The following LRRC49 variants were observed in gnomAD, a reference collection of about 807,000 sequenced individuals.
The protein encoded by LRRC49 is leucine rich repeat containing 49, also known as leucine-rich repeat-containing protein 49.
Under a neutral mutation model 83.3 loss-of-function variants are expected in LRRC49, and 50 were observed. The observed-to-expected ratio is 0.60, with a 90% CI of 0.48 to 0.76. The LOEUF is 0.76. Ranked by LOEUF, LRRC49 falls within the 30% of genes least tolerant of loss-of-function variation. The pLI is 0.00. For missense variants in LRRC49, 704 were observed against 809.1 expected (o/e 0.87, Z 1.58); for synonymous variants, 286 against 283.3 (o/e 1.01, Z -0.10).
chr15:70,933,727 C>T (rs2035497246), intron 7 of LRRC49, among the ~76,000 whole-genome samples: 2 of 152,122 alleles, frequency 1.3e-5, no homozygotes, highest in South Asian at 2.1e-4. Context: ...TTTGAAATTT[C>T]TTGGGGTTCT....
At chr15:70,962,160 T>C (rs959414928) in intron 8 of LRRC49, among the ~76,000 whole-genome samples, 3 of 152,182 alleles carry the variant, frequency 2.0e-5, no homozygotes, top group African/African-American at 7.2e-5. Context: ...ATTGAATAAT[T>C]AAGTAAATGG....
rs2039971730 is a variant in LRRC49, at chr15:71,050,017, A to G, written c.*405A>G. 1 of 157,006 alleles carries G rather than the reference A, an allele frequency of 6.4e-6. No homozygotes were observed. The highest frequency in any genetic ancestry group is 2.4e-5 in the African/African-American group (1 of 41,584). The allele number at this position is 157,006 out of a possible 1,614,324, so 9.7% of individuals were successfully genotyped here. On this transcript the variant is annotated 3_prime_UTR_variant, in exon 16 of 16. Transcript: ENST00000260382. ...TTTTTATTTTATGTCATGATTTCAA[A>G]GCCAAAAATATGTTCTTTTTATGAG...
chr15:70,892,986 T>G (rs770033173), intron 1 of LRRC49, 44 bp downstream of exon 1: 2 of 1,603,318 alleles, frequency 1.2e-6, no homozygotes, highest in Admixed American at 1.7e-5. Context: ...ACTGGTACTC[T>G]TTCTGACTGG....
intron 14 of LRRC49, among the ~76,000 whole-genome samples, chr15:71,033,862 C>A (rs1172336722): frequency 6.6e-6 from 1 of 152,112 alleles, no homozygotes; most frequent in Non-Finnish European, 1.5e-5. Flanking sequence ...TGGACCCCTT[C>A]CTTACACCTT....
At chr15:70,973,411 G>T (rs1271922297) in intron 9 of LRRC49, among the ~76,000 whole-genome samples, 1 of 152,202 alleles carries the variant, frequency 6.6e-6, no homozygotes, top group Admixed American at 6.5e-5. Flanking sequence ...TGTATGAAGT[G>T]TCTGTCAACA....
chr15:70,943,173 T>C (rs2141168131), intron 8 of LRRC49, among the ~76,000 whole-genome samples: 1 of 152,182 alleles, frequency 6.6e-6, no homozygotes, highest in South Asian at 2.1e-4. Flanking sequence ...TTATTTTTAG[T>C]TTAGTTTTTT....
chr15:70,936,464 A>G (rs1391513225), intron 7 of LRRC49: 1 of 292,970 alleles, frequency 3.4e-6, no homozygotes, highest in Non-Finnish European at 6.3e-6. Context: ...GAAGTGCTGA[A>G]GTAGCATTTT....
chr15:71,007,709 G>GTATATATATATATATATA (rs55946096), intron 11 of LRRC49, among the ~76,000 whole-genome samples: 120 of 137,658 alleles, frequency 8.7e-4, no homozygotes, highest in African/African-American at 2.8e-3. Context: ...TGAGAAGCAT[G>GTATATATATATATATATA]TATATATATA....
At chr15:70,866,240 G>A (rs1465967767) in intron 1 of LRRC49, among the ~76,000 whole-genome samples, 3 of 151,860 alleles carry the variant, frequency 2.0e-5, no homozygotes, top group Admixed American at 6.6e-5. Context: ...CTCTGCCTCC[G>A]GGTTCAGGTG....
At chr15:71,015,360 G>T (rs1303732521) in intron 14 of LRRC49, among the ~76,000 whole-genome samples, 3 of 152,182 alleles carry the variant, frequency 2.0e-5, no homozygotes, top group African/African-American at 7.2e-5. Context: ...CTAGGGGATG[G>T]TTTTGGAATG....
intron 7 of LRRC49, among the ~76,000 whole-genome samples, chr15:70,926,764 C>T (rs868188954): frequency 1.4e-4 from 21 of 151,762 alleles, no homozygotes; most frequent in Admixed American, 2.6e-4. Context: ...TGAGAACATG[C>T]GGTGTTTGGT....
chr15:70,860,864 G>A (rs1372068532), intron 1 of LRRC49, among the ~76,000 whole-genome samples: 1 of 152,114 alleles, frequency 6.6e-6, no homozygotes, highest in African/African-American at 2.4e-5. Flanking sequence ...CTTGCATATT[G>A]GTATAATCAT....
At chr15:70,965,624 CATT>C (rs1191598909) in intron 9 of LRRC49, among the ~76,000 whole-genome samples, 1 of 151,940 alleles carries the variant, frequency 6.6e-6, no homozygotes, top group African/African-American at 2.4e-5. Flanking sequence ...AGGTTTTTGG[CATT>C]AATATCATAG....
intron 11 of LRRC49, among the ~76,000 whole-genome samples, chr15:71,002,303 T>A (rs2038286294): frequency 6.7e-6 from 1 of 149,218 alleles, no homozygotes; most frequent in African/African-American, 2.4e-5. Context: ...GTCTATAACC[T>A]TTGGCTTATG....
At chr15:70,858,591 G>A (rs895067547) in intron 1 of LRRC49, 17 of 487,626 alleles carry the variant, frequency 3.5e-5, no homozygotes, top group Admixed American at 1.1e-4. Context: ...GCGACAGAGC[G>A]AGACTTGGTC....
intron 11 of LRRC49, among the ~76,000 whole-genome samples, chr15:70,999,729 C>CT (rs2141250039): frequency 6.6e-6 from 1 of 152,270 alleles, no homozygotes; most frequent in African/African-American, 2.4e-5. Context: ...TCTCAAAACT[C>CT]TATTCTCCCA....
chr15:70,984,470 T>C (rs2037521894), intron 11 of LRRC49: 3 of 416,932 alleles, frequency 7.2e-6, no homozygotes, highest in Non-Finnish European at 1.3e-5. Flanking sequence ...ATATTTTTTA[T>C]AGGGAAAAGT....
intron 9 of LRRC49, among the ~76,000 whole-genome samples, chr15:70,969,116 G>A (rs2036899739): frequency 6.6e-6 from 1 of 152,152 alleles, no homozygotes; most frequent in Non-Finnish European, 1.5e-5. Flanking sequence ...ATGGTTTTAG[G>A]TCTTAAGTTT....
At chr15:70,990,464 C>T (rs1425204547) in intron 11 of LRRC49, among the ~76,000 whole-genome samples, 6 of 152,148 alleles carry the variant, frequency 3.9e-5, no homozygotes, top group East Asian at 3.9e-4. Flanking sequence ...TCTCCTGGTG[C>T]GCCGTTTTTT....
Sources: allele counts gnomAD v4.1 joint callset (sites outside exome capture counted in the v4.1 genomes callset), GRCh38; gene constraint gnomAD v4.1.1; transcripts MANE v1.5; gene names NCBI Gene and HGNC (gene_info 2026-07-23, HGNC 2026-07-21).